Variants in RIN3 observed in about 807,000 individuals in gnomAD.
RIN3 encodes RAB5 interacting protein 3.
In RIN3, 54 loss-of-function variants were observed where a neutral mutation model predicts 76.3. That is an observed-to-expected ratio of 0.71 (90% CI 0.57 to 0.89). The LOEUF (loss-of-function observed/expected upper bound fraction) is 0.89, where lower values mean the gene tolerates loss of function less well. Ranked by LOEUF, RIN3 falls within the 40% of genes least tolerant of loss-of-function variation. The pLI, the probability that RIN3 is intolerant of heterozygous loss-of-function variation, is 0.00. For synonymous variants in RIN3, 576 were observed against 564.0 expected, an observed-to-expected ratio of 1.02 and a Z score of -0.30; for missense variants, 1,256 against 1,322.1, an observed-to-expected ratio of 0.95 and a Z score of 0.78.
rs577586897 is a variant in RIN3, at chr14:92,666,334, A to C, written c.2335+6865A>C. Among the ~76,000 whole-genome samples the C allele has an allele frequency of 1.2e-4, 18 of 152,346 alleles. No individual in the cohort carries two copies. The South Asian group carries it at 2.9e-3, about 25-fold the overall frequency. The stretch of plus-strand genomic sequence containing the variant: ...ACATGGAGACACAAGATCTGGGTTA[A>C]CTGGCCATGCTATCTTCTCCAGAAA... On this transcript the variant is annotated intron_variant, in intron 7 of 9. Transcript: ENST00000216487.
chr14:92,617,949 G>A (rs1292887414), intron 4 of RIN3, among the ~76,000 whole-genome samples: 1 of 152,168 alleles, frequency 6.6e-6, no homozygotes, highest in Non-Finnish European at 1.5e-5. Context: ...TTTAAACCAT[G>A]GAAAAAGGAC....
intron 5 of RIN3, among the ~76,000 whole-genome samples, chr14:92,644,059 CT>C: frequency 6.6e-6 from 1 of 152,140 alleles, no homozygotes; most frequent in African/African-American, 2.4e-5. Context: ...ACATGCTCTC[CT>C]TTTCCCTGAA....
chr14:92,653,428 C>T (rs1227781990), intron 6 of RIN3, among the ~76,000 whole-genome samples: 1 of 152,206 alleles, frequency 6.6e-6, no homozygotes, highest in Non-Finnish European at 1.5e-5. Flanking sequence ...CAGGGCCCGG[C>T]GAGATCTGGC....
chr14:92,676,788 G>A (rs1370993813), intron 8 of RIN3, among the ~76,000 whole-genome samples, 182 bp downstream of exon 8: 1 of 152,182 alleles, frequency 6.6e-6, no homozygotes, highest in Non-Finnish European at 1.5e-5. Context: ...AGATTAGGGG[G>A]AGAGATGAGC....
intron 7 of RIN3, among the ~76,000 whole-genome samples, chr14:92,664,998 A>G (rs1376841698): frequency 6.6e-6 from 1 of 152,224 alleles, no homozygotes; most frequent in Non-Finnish European, 1.5e-5. Context: ...TTAATTTGGA[A>G]TATCTCATAT....
Position 92,555,946 on chromosome 14 carries a change from G to A in RIN3, c.240G>A (p.Val80=). 3 of 1,611,700 alleles carry A rather than the reference G, an allele frequency of 1.9e-6. No individual in the cohort carries two copies. Among genetic ancestry groups the A allele is most frequent in the Non-Finnish European group, 2.5e-6 (3 of 1,179,908 alleles). The stretch of plus-strand genomic sequence containing the variant: ...AGGTGGCCAGGATCCTGCACCGGGT[G>A]GTGGCTGGGGTGAGTGGGGGCGTCT... The part of the protein sequence containing the change: ...QAEVARILHR[V]VAGMFLVRRD... Residue 80 remains valine, a synonymous_variant, in exon 2 of 10, where the codon GTG becomes GTA. Coordinates refer to ENST00000216487, the MANE Select transcript of RIN3 (RefSeq NM_024832.5).
chr14:92,537,841 AT>A (rs767533245), intron 1 of RIN3, among the ~76,000 whole-genome samples: 17,435 of 93,078 alleles, frequency 0.19, 1,361 homozygotes, highest in Non-Finnish European at 0.26. Flanking sequence ...TATTTTATTT[AT>A]TTTTTTTTTT....
chr14:92,614,665 A>C (rs1885878767), intron 3 of RIN3, among the ~76,000 whole-genome samples: 1 of 151,820 alleles, frequency 6.6e-6, no homozygotes, highest in East Asian at 1.9e-4. Flanking sequence ...ACGAGATCTG[A>C]TGGCTTTATA....
At chr14:92,582,197 T>C (rs547945916) in intron 3 of RIN3, among the ~76,000 whole-genome samples, 1 of 152,290 alleles carries the variant, frequency 6.6e-6, no homozygotes, top group African/African-American at 2.4e-5. Context: ...ATTGGGTCAC[T>C]CAGAGACAGA....
intron 5 of RIN3, chr14:92,650,871 G>A (rs1261339970): frequency 2.0e-5 from 3 of 152,252 alleles, no homozygotes; most frequent in Non-Finnish European, 4.4e-5. Context: ...TCAGCTCCAC[G>A]GTGCAGGAGC....
chr14:92,630,415 C>A (rs1204904550), intron 4 of RIN3, among the ~76,000 whole-genome samples: 2 of 152,136 alleles, frequency 1.3e-5, no homozygotes, highest in African/African-American at 4.8e-5. Context: ...CGGCTTGAAC[C>A]CAGGAGGCAG....
In RIN3 at chr14:92,583,027, C is replaced by T. The variant is rs572486376; in HGVS notation, c.367+5550C>T. On this transcript the variant is annotated intron_variant, in intron 3 of 9. Transcript: ENST00000216487. ...CAAGTTACTTTACCTCTCCAGGCCTCAGTTGCCTTGCCTGTAAGATGGGGA... is the reference window on the plus strand; with the variant it reads ...CAAGTTACTTTACCTCTCCAGGCCTTAGTTGCCTTGCCTGTAAGATGGGGA... Among the ~76,000 whole-genome samples, 116 of 152,332 alleles carry T rather than the reference C, an allele frequency of 7.6e-4. 1 individual carries two copies. Among genetic ancestry groups the T allele is most frequent in the Non-Finnish European group, 6.0e-4 (41 of 68,040 alleles).
intron 1 of RIN3, among the ~76,000 whole-genome samples, chr14:92,516,459 T>C (rs1896446410): frequency 6.6e-6 from 1 of 152,162 alleles, no homozygotes; most frequent in South Asian, 2.1e-4. Flanking sequence ...TAGCTCCAGC[T>C]CTGTCCCTTG....
intron 4 of RIN3, among the ~76,000 whole-genome samples, chr14:92,630,681 G>A (rs1038080084): frequency 6.6e-6 from 1 of 152,276 alleles, no homozygotes; most frequent in East Asian, 1.9e-4. Flanking sequence ...GTGCCCCTGG[G>A]CCTACCCTCA....
intron 2 of RIN3, among the ~76,000 whole-genome samples, chr14:92,575,422 A>G (rs1163957132): frequency 6.6e-6 from 1 of 152,172 alleles, no homozygotes; most frequent in Non-Finnish European, 1.5e-5. Context: ...TTAGAGAAGT[A>G]AAGAAGCAAA....
In RIN3 at chr14:92,685,176, C is replaced by T. The variant is rs185598587; in HGVS notation, c.2631+26C>T. 6.5e-4 allele frequency: 1,017 copies of T among 1,568,880 alleles called. 6 individuals carry two copies. The African/African-American group carries it at 0.012, about 18-fold the overall frequency. On this transcript the variant is annotated intron_variant, in intron 9 of 9. Transcript: ENST00000216487. This position sits in a 1 kb window ranked among gnomAD's most constrained non-coding sequence, Gnocchi z 4.7. ...GTGAGGCCTGAGAGCGGGAGGGGCC[C>T]GGTGGGGCCATGTCCCAGACACCAT...
intron 1 of RIN3, among the ~76,000 whole-genome samples, chr14:92,545,370 A>G (rs796270566): frequency 2.8e-4 from 43 of 151,930 alleles, no homozygotes; most frequent in African/African-American, 8.9e-4. Flanking sequence ...TCGGCCTCCC[A>G]AAGTGCTGGG....
intron 3 of RIN3, among the ~76,000 whole-genome samples, chr14:92,588,675 G>A (rs1049223960): frequency 2.0e-5 from 3 of 152,048 alleles, no homozygotes; most frequent in Non-Finnish European, 2.9e-5. Flanking sequence ...AATTTGGGGG[G>A]ACACCAGTAT....
chr14:92,666,600 C>T (rs1888114434), intron 7 of RIN3, among the ~76,000 whole-genome samples: 1 of 152,168 alleles, frequency 6.6e-6, no homozygotes, highest in Non-Finnish European at 1.5e-5. Flanking sequence ...TCATGGACTT[C>T]ATGAGGCTTG....
Sources: gnomAD v4.1 joint callset for allele counts (sites outside exome capture counted in the v4.1 genomes callset) on GRCh38, gnomAD v4.1.1 for gene constraint, Gnocchi (gnomAD v3.1) non-coding constraint, MANE v1.5 for transcripts, NCBI Gene and HGNC (gene_info 2026-07-23, HGNC 2026-07-21) for gene names.